The following OTUD7A variants were observed in gnomAD, a reference collection of about 807,000 sequenced individuals.
The protein encoded by OTUD7A is OTU deubiquitinase 7A, also known as OTU domain-containing protein 7A.
In OTUD7A, 12 loss-of-function variants were observed where a neutral mutation model predicts 65.7. That is an observed-to-expected ratio of 0.18 (90% CI 0.12 to 0.30). The LOEUF (loss-of-function observed/expected upper bound fraction) is 0.30. Ranked by LOEUF, OTUD7A falls within the 10% of genes least tolerant of loss-of-function variation. The pLI is 1.00. For synonymous variants in OTUD7A, 641 were observed against 586.3 expected (o/e 1.09, Z -1.35); for missense variants, 1,148 against 1,304.8 (o/e 0.88, Z 1.85).
chr15:31,592,980 G>C (rs1005480090), intron 3 of OTUD7A, among the ~76,000 whole-genome samples: 13 of 104,456 alleles, frequency 1.2e-4, no homozygotes, highest in African/African-American at 2.8e-4. Context: ...TATATATATA[G>C]AAGGCATGCA....
intron 1 of OTUD7A, among the ~76,000 whole-genome samples, chr15:31,860,677 G>GTGTGTATATATATATATATATATATA (rs560896384): frequency 0.015 from 1,122 of 73,214 alleles, 84 homozygotes; most frequent in Non-Finnish European, 0.022. Context: ...ATGTATGTGT[G>GTGTGTATATATATATATATATATATA]TATATATATA....
intron 1 of OTUD7A, among the ~76,000 whole-genome samples, chr15:31,695,038 G>T (rs1441999987): frequency 6.6e-6 from 1 of 152,040 alleles, no homozygotes; most frequent in Non-Finnish European, 1.5e-5. Context: ...GTAGAGACGG[G>T]GTTTCACCGT....
At chr15:31,685,976 C>A (rs1892827032) in intron 1 of OTUD7A, among the ~76,000 whole-genome samples, 1 of 152,188 alleles carries the variant, frequency 6.6e-6, no homozygotes, top group South Asian at 2.1e-4. Flanking sequence ...TGTCTTCAAG[C>A]CTTTTGTGAA....
At chr15:31,587,482 A>G (rs1889580251) in intron 3 of OTUD7A, among the ~76,000 whole-genome samples, 1 of 152,190 alleles carries the variant, frequency 6.6e-6, no homozygotes, top group South Asian at 2.1e-4. Context: ...CTAAAAAAAA[A>G]ATACAAAAAT....
chr15:31,521,133 G>A (rs975417137), intron 8 of OTUD7A, among the ~76,000 whole-genome samples: 10 of 152,162 alleles, frequency 6.6e-5, no homozygotes, highest in African/African-American at 1.4e-4. Flanking sequence ...ATGACAGGCC[G>A]GAGGGTTCGC....
intron 1 of OTUD7A, among the ~76,000 whole-genome samples, chr15:31,863,915 T>C (rs1897811247): frequency 1.3e-5 from 2 of 152,252 alleles, no homozygotes; most frequent in South Asian, 4.1e-4. Flanking sequence ...GGAATGCTTT[T>C]AACAGCACCT....
chr15:31,817,276 C>CG (rs982255455), intron 1 of OTUD7A, among the ~76,000 whole-genome samples: 14 of 23,850 alleles, frequency 5.9e-4, no homozygotes, highest in Non-Finnish European at 8.0e-4. Flanking sequence ...AGATCATTTG[C>CG]CCCCCCCCAT....
At chr15:31,489,099 C>A (rs1457551014) in intron 10 of OTUD7A, among the ~76,000 whole-genome samples, 1 of 152,152 alleles carries the variant, frequency 6.6e-6, no homozygotes, top group Non-Finnish European at 1.5e-5. Context: ...TGCCCAGCAG[C>A]CTGTCCCATA....
At chr15:31,515,042 G>T (rs981667206) in intron 8 of OTUD7A, among the ~76,000 whole-genome samples, 4 of 152,170 alleles carry the variant, frequency 2.6e-5, no homozygotes, top group Non-Finnish European at 5.9e-5. Context: ...CCTAGTATGC[G>T]TTGAGTGCCG....
chr15:31,855,597 C>A (rs565896191), intron 1 of OTUD7A, among the ~76,000 whole-genome samples: 1 of 152,206 alleles, frequency 6.6e-6, no homozygotes, highest in African/African-American at 2.4e-5. Flanking sequence ...TTAAACAGAG[C>A]ACTAAGAATA....
chr15:31,821,503 A>G (rs1780342827), intron 1 of OTUD7A, among the ~76,000 whole-genome samples: 1 of 151,942 alleles, frequency 6.6e-6, no homozygotes, highest in South Asian at 2.1e-4. Context: ...GCCATTGTAT[A>G]TTACATTTTA....
intron 3 of OTUD7A, among the ~76,000 whole-genome samples, chr15:31,611,521 A>G (rs1890420594): frequency 6.6e-6 from 1 of 152,212 alleles, no homozygotes; most frequent in Admixed American, 6.5e-5. Context: ...ATTCAAGGCT[A>G]CTATGAACAT....
In OTUD7A at chr15:31,581,140, T is replaced by C. The variant is rs139352389; in HGVS notation, c.152-10943A>G. On this transcript the variant is annotated intron_variant, in intron 3 of 12. Transcript: ENST00000307050. ...GCAAGTTCAAAATCCAGCAGGGCAG[T>C]CAAATCTTAAAGCTCCAAAATGATC... 1.6e-3 allele frequency among the ~76,000 whole-genome samples: 245 copies of C among 152,272 alleles called. 1 individual carries two copies. The highest frequency in any genetic ancestry group is 8.9e-3 in the South Asian group (43 of 4,814).
chr15:31,815,123 T>C (rs1041163144), intron 1 of OTUD7A, among the ~76,000 whole-genome samples: 3 of 152,162 alleles, frequency 2.0e-5, no homozygotes, highest in Non-Finnish European at 4.4e-5. Flanking sequence ...CTTCTGCTGC[T>C]TCCAGGGCCT....
chr15:31,865,136 G>T (rs1311947353), intron 1 of OTUD7A, among the ~76,000 whole-genome samples: 2 of 152,166 alleles, frequency 1.3e-5, no homozygotes, highest in Non-Finnish European at 2.9e-5. Context: ...TCAAGAGATG[G>T]TATATTATTT....
intron 1 of OTUD7A, among the ~76,000 whole-genome samples, chr15:31,841,431 C>T (rs956871047): frequency 4.6e-5 from 7 of 152,180 alleles, no homozygotes; most frequent in African/African-American, 1.7e-4. Flanking sequence ...CTCGAGGACA[C>T]ATGCAACAAG....
At chr15:31,666,046 G>A (rs1892311878) in intron 1 of OTUD7A, among the ~76,000 whole-genome samples, 1 of 150,500 alleles carries the variant, frequency 6.6e-6, no homozygotes, top group African/African-American at 2.5e-5. Context: ...ATATTTTGTT[G>A]GATTCTGTTA....
intron 1 of OTUD7A, among the ~76,000 whole-genome samples, chr15:31,838,441 C>T (rs557285406): frequency 1.3e-5 from 2 of 152,216 alleles, no homozygotes; most frequent in African/African-American, 4.8e-5. Context: ...TACCTCTCCA[C>T]ATTCAATCCA....
chr15:31,619,207 G>A (rs1890694679), intron 3 of OTUD7A, among the ~76,000 whole-genome samples: 1 of 152,176 alleles, frequency 6.6e-6, no homozygotes. Flanking sequence ...GTCAGGTAGG[G>A]TGATGCCTCC....
Sources: allele counts gnomAD v4.1 joint callset (sites outside exome capture counted in the v4.1 genomes callset), GRCh38; gene constraint gnomAD v4.1.1; transcripts MANE v1.5; gene names NCBI Gene and HGNC (gene_info 2026-07-23, HGNC 2026-07-21).